Variants in GNG7 observed in about 807,000 individuals in gnomAD.
GNG7 encodes guanine nucleotide-binding protein G(I)/G(S)/G(O) subunit gamma-7.
GNG7 carries 1 observed loss-of-function variant against 4.0 expected under a neutral mutation model. The observed-to-expected ratio is 0.25, with a 90% confidence interval of 0.09 to 1.18. The LOEUF is 1.18. Ranked by LOEUF, GNG7 falls within the 50% of genes most tolerant of loss-of-function variation. GNG7 has a pLI of 0.50. For missense variants in GNG7, 86 were observed against 91.9 expected (o/e 0.94, Z 0.26); for synonymous variants, 34 against 36.9 (o/e 0.92, Z 0.29).
intron 3 of GNG7, among the ~76,000 whole-genome samples, chr19:2,547,082 C>A (rs113981257): frequency 1.3e-5 from 2 of 151,448 alleles, no homozygotes; most frequent in Non-Finnish European, 2.9e-5. Flanking sequence ...ATGCCCCCCC[C>A]CCAGAAAACT....
At chr19:2,650,808 CA>C in intron 1 of GNG7, among the ~76,000 whole-genome samples, 1 of 152,330 alleles carries the variant, frequency 6.6e-6, no homozygotes, top group African/African-American at 2.4e-5. Flanking sequence ...CCTGTGTGGA[CA>C]AATCACAATC....
rs1417179175 is a variant in GNG7 at position 2,511,687 on chromosome 19, G to GT, written c.*3334_*3335insA. 2.0e-6 allele frequency: 1 copy of GT among 507,498 alleles called. No homozygotes were observed. The allele number at this position is 507,498 out of a possible 1,614,324, so 31.4% of individuals were successfully genotyped here. The stretch of plus-strand genomic sequence containing the variant: ...TTGGAGATGGATGCGTGGCCTGGAG[G>GT]CCTAGCGTTGCGCCTCGGACACGGT... On this transcript the variant is annotated 3_prime_UTR_variant, in exon 5 of 5. Coordinates refer to ENST00000382159, the MANE Select transcript of GNG7 (RefSeq NM_052847.3). This position sits in a 1 kb window ranked among gnomAD's most constrained non-coding sequence, Gnocchi z 6.3.
intron 1 of GNG7, among the ~76,000 whole-genome samples, chr19:2,673,180 C>G (rs1287342134): frequency 4.6e-5 from 7 of 151,346 alleles, no homozygotes; most frequent in African/African-American, 1.5e-4. Context: ...TGGCCGTGAA[C>G]CCGGGAGGCG....
chr19:2,625,678 T>C (rs1982002554), intron 2 of GNG7, among the ~76,000 whole-genome samples: 1 of 152,178 alleles, frequency 6.6e-6, no homozygotes, highest in Non-Finnish European at 1.5e-5. Context: ...AGGAGGAAGC[T>C]GGGTCAGAGA....
intron 2 of GNG7, among the ~76,000 whole-genome samples, chr19:2,624,697 A>C (rs1981972747): frequency 6.6e-6 from 1 of 152,164 alleles, no homozygotes; most frequent in Non-Finnish European, 1.5e-5. Flanking sequence ...CCTGGCGGCT[A>C]TTCCTAGCAG....
chr19:2,682,939 A>C (rs1008939262), intron 1 of GNG7, among the ~76,000 whole-genome samples: 10 of 151,902 alleles, frequency 6.6e-5, no homozygotes, highest in Admixed American at 3.3e-4. Flanking sequence ...GGCTCACTGA[A>C]TAAGGACTCC....
Position 2,546,445 on chromosome 19 carries a change from G to T in GNG7, c.-38+8704C>A, listed in dbSNP as rs1029670720. Among the ~76,000 whole-genome samples, 2 of 152,244 alleles carry T rather than the reference G, an allele frequency of 1.3e-5. No homozygotes were observed. Among genetic ancestry groups the T allele is most frequent in the African/African-American group, 4.8e-5 (2 of 41,474 alleles). On this transcript the variant is annotated intron_variant, in intron 3 of 4. Transcript: ENST00000382159. The surrounding 1 kb of genome is among the most constrained non-coding windows in gnomAD (Gnocchi z 6.3). ...TGGGGCCCAGGGCTGCGGGCGGGAG[G>T]GCCTCTGCCACATGGAAGGGAGGGC...
At chr19:2,669,571 C>T (rs960254992) in intron 1 of GNG7, among the ~76,000 whole-genome samples, 2 of 152,200 alleles carry the variant, frequency 1.3e-5, no homozygotes, top group Admixed American at 6.5e-5. Flanking sequence ...TTGCTTTCGT[C>T]AATAAGTTTT....
chr19:2,550,220 C>CT (rs1345810863), intron 3 of GNG7, among the ~76,000 whole-genome samples: 1 of 152,044 alleles, frequency 6.6e-6, no homozygotes, highest in Non-Finnish European at 1.5e-5. Context: ...GGCGACCCTC[C>CT]TTGCTGGCTT....
intron 1 of GNG7, among the ~76,000 whole-genome samples, chr19:2,682,637 C>T (rs1983767740): frequency 8.0e-6 from 1 of 124,380 alleles, no homozygotes. Context: ...GCCTGGGCAA[C>T]AGGGCGAGAC....
At position 2,591,168 on chromosome 19, in the gene GNG7, G is replaced by A. The variant is rs967180906; in HGVS notation, c.-77-35980C>T. Among the ~76,000 whole-genome samples, 13 of 152,282 alleles carry A rather than the reference G, an allele frequency of 8.5e-5. No homozygotes were observed. In the Middle Eastern group the frequency reaches 0.01, roughly 120 times the overall value. ...TCACAGAGAACAAGAAGAACCTCTT[G>A]CGCGGTAGGTTTGGCTTGCAAACAA... is the stretch of plus-strand genomic sequence containing the variant. On this transcript the variant is annotated intron_variant, in intron 2 of 4. Coordinates refer to ENST00000382159, the MANE Select transcript of GNG7 (RefSeq NM_052847.3).
At chr19:2,518,422 C>T (rs1476407454) in intron 4 of GNG7, among the ~76,000 whole-genome samples, 1 of 152,232 alleles carries the variant, frequency 6.6e-6, no homozygotes, top group Non-Finnish European at 1.5e-5. Flanking sequence ...ATGCTCAGGT[C>T]TGTCCTCAGC....
chr19:2,652,612 T>TC (rs1982860360), intron 1 of GNG7, among the ~76,000 whole-genome samples: 1 of 151,486 alleles, frequency 6.6e-6, no homozygotes. Context: ...AGAGCGAGAC[T>TC]CCATCTCAAA....
At chr19:2,589,223 C>T (rs1014714049) in intron 2 of GNG7, among the ~76,000 whole-genome samples, 5 of 145,820 alleles carry the variant, frequency 3.4e-5, no homozygotes, top group East Asian at 2.1e-4. Flanking sequence ...CCACCACGCC[C>T]GGCCGTCTCT....
At chr19:2,575,607 GCAGGCACACACAGACATGCAGGCACACA>G (rs1980292445) in intron 2 of GNG7, among the ~76,000 whole-genome samples, 1 of 121,918 alleles carries the variant, frequency 8.2e-6, no homozygotes, top group Non-Finnish European at 1.7e-5. Flanking sequence ...GCAGGCACAC[GCAGGCACACACAGACATGCAGGCACACA>G]CAGGCACACG....
chr19:2,664,389 G>A (rs2144882303), intron 1 of GNG7, among the ~76,000 whole-genome samples: 1 of 152,332 alleles, frequency 6.6e-6, no homozygotes. Context: ...CCAGGTGCAG[G>A]CGCAGGGGAG....
chr19:2,692,757 G>A (rs1913163987), intron 1 of GNG7, among the ~76,000 whole-genome samples: 1 of 152,026 alleles, frequency 6.6e-6, no homozygotes, highest in African/African-American at 2.4e-5. Flanking sequence ...CGGCTGCGGT[G>A]GGCGAATCAC....
rs189980538 is a variant in GNG7, at chr19:2,662,973, A to G, written c.-134-16693T>C. 4.2e-3 allele frequency among the ~76,000 whole-genome samples: 639 copies of G among 152,332 alleles called. 5 individuals carry two copies. Among genetic ancestry groups the G allele is most frequent in the Non-Finnish European group, 6.7e-3 (456 of 68,038 alleles). The stretch of plus-strand genomic sequence containing the variant: ...ATTCCAAGGATTTTAGGAGTTCTGC[A>G]CCAGAAAAAAATCAGGACAAAGACC... On this transcript the variant is annotated intron_variant, in intron 1 of 4. Coordinates refer to ENST00000382159, the MANE Select transcript of GNG7 (RefSeq NM_052847.3).
chr19:2,565,831 G>T (rs149036274), intron 2 of GNG7, among the ~76,000 whole-genome samples: 151 of 152,254 alleles, frequency 9.9e-4, no homozygotes, highest in African/African-American at 3.3e-3. Context: ...GCTTCTGCAG[G>T]GGACGGGCGG....
Sources: gnomAD v4.1 joint callset for allele counts (sites outside exome capture counted in the v4.1 genomes callset) on GRCh38, gnomAD v4.1.1 for gene constraint, Gnocchi (gnomAD v3.1) non-coding constraint, MANE v1.5 for transcripts, NCBI Gene and HGNC (gene_info 2026-07-23, HGNC 2026-07-21) for gene names.